Variants in NRXN3 observed in about 807,000 individuals in gnomAD.
NRXN3 encodes the protein neurexin III.
A neutral mutation model predicts 137.6 loss-of-function variants in NRXN3; 32 were observed. That is an observed-to-expected ratio of 0.23 (90% CI 0.18 to 0.31). The LOEUF (loss-of-function observed/expected upper bound fraction) is 0.31, where lower values mean the gene tolerates loss of function less well. NRXN3 is among the 10% of genes least tolerant of loss of function. The pLI, the probability that NRXN3 is intolerant of heterozygous loss-of-function variation, is 1.00. For missense variants in NRXN3, 1,574 were observed against 2,062.5 expected, an observed-to-expected ratio of 0.76 and a Z score of 4.59; for synonymous variants, 798 against 784.5, an observed-to-expected ratio of 1.02 and a Z score of -0.29.
chr14:78,537,784 G>A (rs1238613257), intron 4 of NRXN3, among the ~76,000 whole-genome samples: 2 of 152,086 alleles, frequency 1.3e-5, no homozygotes, highest in South Asian at 2.1e-4. Flanking sequence ...ATTAATTTTT[G>A]TATAAGGTAT....
intron 15 of NRXN3, among the ~76,000 whole-genome samples, chr14:79,132,876 C>G (rs2057738419): frequency 6.6e-6 from 1 of 152,228 alleles, no homozygotes; most frequent in African/African-American, 2.4e-5. Flanking sequence ...CCACGAGGAG[C>G]TCTGACACTA....
intron 3 of NRXN3, chr14:78,282,052 G>A (rs2074479263): frequency 4.4e-6 from 2 of 451,542 alleles, no homozygotes; most frequent in Non-Finnish European, 9.0e-6. Flanking sequence ...GGAGCTTAAA[G>A]GGTATCCTGT....
At chr14:79,741,500 T>C (rs1020270026) in intron 19 of NRXN3, among the ~76,000 whole-genome samples, 1 of 152,068 alleles carries the variant, frequency 6.6e-6, no homozygotes, top group Non-Finnish European at 1.5e-5. Flanking sequence ...TTTGTTGTTG[T>C]TTTTGAGACA....
At chr14:79,499,121 C>T (rs2096795355) in intron 16 of NRXN3, among the ~76,000 whole-genome samples, 1 of 152,112 alleles carries the variant, frequency 6.6e-6, no homozygotes, top group Non-Finnish European at 1.5e-5. Context: ...CAACCACCCC[C>T]AATTAAAATC....
At chr14:79,537,993 A>G (rs976926816) in intron 16 of NRXN3, among the ~76,000 whole-genome samples, 2 of 152,162 alleles carry the variant, frequency 1.3e-5, no homozygotes, top group African/African-American at 4.8e-5. Context: ...TCTAACTGGT[A>G]TGAGATGGTG....
At chr14:79,611,333 G>A (rs2098096304) in intron 16 of NRXN3, 1 of 152,204 alleles carries the variant, frequency 6.6e-6, no homozygotes, top group African/African-American at 2.4e-5. Flanking sequence ...AAGATTTAAT[G>A]TTGTGCCTGT....
chr14:79,177,065 G>T (rs1190733014), intron 15 of NRXN3, among the ~76,000 whole-genome samples: 1 of 152,184 alleles, frequency 6.6e-6, no homozygotes, highest in Non-Finnish European at 1.5e-5. Flanking sequence ...TTTTTTAAGA[G>T]TTGTATAGGA....
At chr14:79,334,099 C>CA (rs2092037336) in intron 15 of NRXN3, among the ~76,000 whole-genome samples, 2 of 152,122 alleles carry the variant, frequency 1.3e-5, no homozygotes, top group Non-Finnish European at 2.9e-5. Flanking sequence ...CTACTATGTC[C>CA]TAGGCACTGT....
intron 4 of NRXN3, among the ~76,000 whole-genome samples, chr14:78,611,444 C>A (rs1219852134): frequency 6.8e-6 from 1 of 146,280 alleles, no homozygotes; most frequent in Non-Finnish European, 1.5e-5. Flanking sequence ...TTTTCCTTCT[C>A]TCTGAATCAC....
chr14:79,439,372 CT>C (rs1312038018), intron 15 of NRXN3, among the ~76,000 whole-genome samples: 1 of 152,024 alleles, frequency 6.6e-6, no homozygotes, highest in African/African-American at 2.4e-5. Flanking sequence ...ACACATTTGC[CT>C]TGGGAATTAA....
intron 10 of NRXN3, among the ~76,000 whole-genome samples, chr14:78,870,510 C>T (rs2099098642): frequency 1.3e-5 from 2 of 152,076 alleles, no homozygotes; most frequent in African/African-American, 4.8e-5. Context: ...AAGCATTTAT[C>T]ATTTTTTTTG....
intron 4 of NRXN3, among the ~76,000 whole-genome samples, chr14:78,496,782 A>G (rs769085061): frequency 5.3e-5 from 8 of 151,852 alleles, no homozygotes; most frequent in Non-Finnish European, 1.2e-4. Context: ...TTATTTGGGG[A>G]ATATAAGGCC....
intron 10 of NRXN3, among the ~76,000 whole-genome samples, chr14:78,897,536 A>T (rs572513273): frequency 4.0e-5 from 6 of 151,878 alleles, no homozygotes; most frequent in Non-Finnish European, 8.8e-5. Context: ...GTTGGATAAG[A>T]TGTCCAGTGA....
intron 19 of NRXN3, among the ~76,000 whole-genome samples, chr14:79,703,412 C>T (rs1245636167): frequency 1.3e-5 from 2 of 152,090 alleles, no homozygotes; most frequent in Non-Finnish European, 2.9e-5. Context: ...TGTTGAAGAG[C>T]GTGGGCTTTT....
chr14:79,061,557 A>T (rs903474122), intron 15 of NRXN3, among the ~76,000 whole-genome samples: 15 of 152,234 alleles, frequency 9.9e-5, no homozygotes, highest in Non-Finnish European at 1.9e-4. Context: ...AGTAAAACTT[A>T]CAAGGACGAC....
chr14:78,257,695 G>T (rs1474728079), intron 2 of NRXN3, among the ~76,000 whole-genome samples: 2 of 152,232 alleles, frequency 1.3e-5, no homozygotes, highest in African/African-American at 4.8e-5. Context: ...ATAGTAACGA[G>T]AGGATGAGTT....
At chr14:78,658,622 A>T (rs1339786892) in intron 6 of NRXN3, among the ~76,000 whole-genome samples, 5 of 152,204 alleles carry the variant, frequency 3.3e-5, no homozygotes, top group African/African-American at 1.2e-4. Flanking sequence ...ACTTCTCTGG[A>T]TATCCTTGTC....
rs191588264 is a variant in NRXN3 at position 78,188,514 on chromosome 14, G to A, written c.-704+17840G>A. 2.0e-5 allele frequency among the ~76,000 whole-genome samples: 3 copies of A among 152,310 alleles called. No homozygotes were observed. The East Asian group carries it at 5.8e-4, about 29-fold the overall frequency. The stretch of plus-strand genomic sequence containing the variant: ...ATGTGCAAGGCTAGACAACCACTTT[G>A]GGGTCAGATGCCATGGAAAATTGGG... On this transcript the variant is annotated intron_variant, in intron 1 of 20. Transcript: ENST00000335750.
intron 15 of NRXN3, among the ~76,000 whole-genome samples, chr14:79,358,090 C>G (rs1394962348): frequency 6.6e-6 from 1 of 152,192 alleles, no homozygotes; most frequent in Non-Finnish European, 1.5e-5. Context: ...CTACTACACA[C>G]AGCACGTGAG....
Sources: gnomAD v4.1 joint callset for allele counts (sites outside exome capture counted in the v4.1 genomes callset) on GRCh38, gnomAD v4.1.1 for gene constraint, MANE v1.5 for transcripts, NCBI Gene and HGNC (gene_info 2026-07-23, HGNC 2026-07-21) for gene names.